The following UNC13C variants were observed in gnomAD, a reference collection of about 807,000 sequenced individuals.
UNC13C encodes protein unc-13 homolog C.
A neutral mutation model predicts 245.4 loss-of-function variants in UNC13C; 174 were observed. The ratio of observed to expected loss-of-function variants is 0.71; its 90% CI spans 0.63 to 0.80. UNC13C has a LOEUF of 0.80. UNC13C is among the 30% of genes least tolerant of loss of function. The probability of loss-of-function intolerance (pLI) is 0.00; values close to 1 mark genes in which losing one functional copy is unlikely to be tolerated. For missense variants in UNC13C, 2,829 were observed against 2,602.9 expected (o/e 1.09, Z -1.89); for synonymous variants, 992 against 895.1 (o/e 1.11, Z -1.93).
chr15:54,532,834 G>T (rs943799712), intron 25 of UNC13C, 83 bp from the exon 26 acceptor site: 23 of 955,056 alleles, frequency 2.4e-5, no homozygotes, highest in Non-Finnish European at 3.3e-5. Flanking sequence ...AGTTGAAACA[G>T]ATCAAAATCC....
the UNC13C span, among the ~76,000 whole-genome samples, chr15:53,946,673 G>GTTTTTTT: frequency 1.0e-5 from 1 of 99,284 alleles, no homozygotes; most frequent in Non-Finnish European, 1.9e-5. Flanking sequence ...GTGAGCTGAG[G>GTTTTTTT]TTTTTTTTTT....
chr15:54,416,262 AC>A (rs2040518431), intron 19 of UNC13C, among the ~76,000 whole-genome samples: 1 of 152,136 alleles, frequency 6.6e-6, no homozygotes, highest in Non-Finnish European at 1.5e-5. Context: ...CGAGAGTGAG[AC>A]AGGTTTTATA....
chr15:54,359,403 T>C (rs541131938), intron 17 of UNC13C, among the ~76,000 whole-genome samples: 6 of 152,076 alleles, frequency 3.9e-5, no homozygotes, highest in African/African-American at 1.2e-4. Context: ...TAATATGTGT[T>C]CTTCCTTAAA....
the UNC13C span, among the ~76,000 whole-genome samples, chr15:53,941,735 A>C: frequency 6.6e-6 from 1 of 152,196 alleles, no homozygotes; most frequent in African/African-American, 2.4e-5. Context: ...AACCCCATTA[A>C]AAAGTAGGCA....
Position 54,270,034 on chromosome 15 carries a change from T to A in UNC13C, c.3818+4538T>A, listed in dbSNP as rs571972544. The stretch of plus-strand genomic sequence containing the variant: ...TCTCCTTTTTAAATGCCAACTTTTT[T>A]AACATTAGTTCTTTCTGTCATCAGT... On this transcript the variant is annotated intron_variant, in intron 10 of 32. Coordinates refer to ENST00000260323, the MANE Select transcript of UNC13C (RefSeq NM_001080534.3). Among the ~76,000 whole-genome samples, 35 of 152,322 alleles carry A rather than the reference T, an allele frequency of 2.3e-4. 1 individual carries two copies. In the South Asian group the frequency reaches 6.8e-3, roughly 30 times the overall value.
At chr15:54,135,763 G>A (rs1278637445) in intron 2 of UNC13C, among the ~76,000 whole-genome samples, 1 of 152,104 alleles carries the variant, frequency 6.6e-6, no homozygotes, top group Non-Finnish European at 1.5e-5. Flanking sequence ...TTTCTTTAAA[G>A]ATTGCTTTGG....
At chr15:53,890,177 C>G in the UNC13C span, among the ~76,000 whole-genome samples, 13 of 149,170 alleles carry the variant, frequency 8.7e-5, no homozygotes, top group African/African-American at 3.2e-4. Flanking sequence ...ATTCTCACTG[C>G]GTCACCCAGG....
intron 17 of UNC13C, among the ~76,000 whole-genome samples, chr15:54,391,695 T>G (rs1451695193): frequency 6.6e-6 from 1 of 152,162 alleles, no homozygotes; most frequent in Non-Finnish European, 1.5e-5. Context: ...CTGCAAGTTT[T>G]AACATCTGTT....
At chr15:54,446,462 T>A (rs568079098) in intron 19 of UNC13C, among the ~76,000 whole-genome samples, 1 of 152,358 alleles carries the variant, frequency 6.6e-6, no homozygotes, top group South Asian at 2.1e-4. Flanking sequence ...TGTCCTCTTT[T>A]ATTTCGTTGA....
At chr15:54,220,933 G>T (rs1454179558) in intron 4 of UNC13C, among the ~76,000 whole-genome samples, 1 of 151,938 alleles carries the variant, frequency 6.6e-6, no homozygotes, top group Non-Finnish European at 1.5e-5. Context: ...GACAATAATG[G>T]TGTATTATTT....
intron 13 of UNC13C, among the ~76,000 whole-genome samples, chr15:54,315,059 C>T (rs1374404093): frequency 2.6e-5 from 4 of 151,618 alleles, no homozygotes; most frequent in Non-Finnish European, 3.0e-5. Flanking sequence ...CTTCCACTGC[C>T]GACTCATTTG....
At chr15:54,144,873 T>C (rs1040548883) in intron 4 of UNC13C, among the ~76,000 whole-genome samples, 2 of 152,086 alleles carry the variant, frequency 1.3e-5, no homozygotes, top group Non-Finnish European at 1.5e-5. Flanking sequence ...TCAATGCTTA[T>C]ACACAGTTTA....
chr15:53,985,349 C>CT (rs1053995550), intron 1 of UNC13C, among the ~76,000 whole-genome samples: 4 of 144,082 alleles, frequency 2.8e-5, no homozygotes, highest in Admixed American at 6.9e-5. Context: ...TTTCTTGGTT[C>CT]TTTTTTTTAA....
the UNC13C span, among the ~76,000 whole-genome samples, chr15:53,953,921 G>A: frequency 6.6e-6 from 1 of 152,234 alleles, no homozygotes; most frequent in African/African-American, 2.4e-5. Context: ...GCTACGTGCA[G>A]TTGGCATCAA....
chr15:54,142,298 A>C (rs538783690), intron 2 of UNC13C, among the ~76,000 whole-genome samples: 2 of 152,204 alleles, frequency 1.3e-5, no homozygotes, highest in Admixed American at 1.3e-4. Flanking sequence ...TAGACCAAGC[A>C]CCCTTCACTG....
At chr15:53,898,411 T>TACACAC in the UNC13C span, among the ~76,000 whole-genome samples, 4 of 150,928 alleles carry the variant, frequency 2.7e-5, no homozygotes, top group African/African-American at 9.7e-5. Context: ...TCCAGACACA[T>TACACAC]ACACACACAC....
intron 20 of UNC13C, among the ~76,000 whole-genome samples, chr15:54,496,989 G>T (rs1893979379): frequency 6.6e-6 from 1 of 151,972 alleles, no homozygotes; most frequent in African/African-American, 2.4e-5. Flanking sequence ...TTTAAAAATA[G>T]AAAAATAAAC....
At chr15:53,974,548 A>G (rs1893638494), upstream of UNC13C, among the ~76,000 whole-genome samples, 1 of 152,228 alleles carries the variant, frequency 6.6e-6, no homozygotes, top group Non-Finnish European at 1.5e-5. Flanking sequence ...CTGTATAATA[A>G]ATCAGTGCCA....
chr15:53,885,208 T>A, the UNC13C span, among the ~76,000 whole-genome samples: 53 of 152,348 alleles, frequency 3.5e-4, 1 homozygote, highest in African/African-American at 1.2e-3. Context: ...AACCAAGGTC[T>A]TTCTGAACTT....
Sources: gnomAD v4.1 joint callset for allele counts (sites outside exome capture counted in the v4.1 genomes callset) on GRCh38, gnomAD v4.1.1 for gene constraint, MANE v1.5 for transcripts, NCBI Gene and HGNC (gene_info 2026-07-23, HGNC 2026-07-21) for gene names.